TNR: variants seen among roughly 807,000 people sequenced by gnomAD.
TNR encodes tenascin R, also known as tenascin-R.
TNR carries 45 observed loss-of-function variants against 150.4 expected under a neutral mutation model. The ratio of observed to expected loss-of-function variants is 0.30; its 90% CI spans 0.24 to 0.38. The LOEUF is 0.38. Ranked by LOEUF, TNR falls within the 10% of genes least tolerant of loss-of-function variation. The pLI is 1.00. For missense variants in TNR, 1,544 were observed against 1,759.1 expected (o/e 0.88, Z 2.19); for synonymous variants, 687 against 678.4 (o/e 1.01, Z -0.20).
intron 8 of TNR, among the ~76,000 whole-genome samples, chr1:175,381,989 T>C (rs926847052): frequency 2.2e-4 from 33 of 152,242 alleles, no homozygotes; most frequent in Non-Finnish European, 8.8e-5. Flanking sequence ...TGGAATGTTC[T>C]CCAGATCCTC....
At chr1:175,507,112 T>A (rs1557975824) in intron 2 of TNR, among the ~76,000 whole-genome samples, 1 of 152,164 alleles carries the variant, frequency 6.6e-6, no homozygotes, top group Non-Finnish European at 1.5e-5. Flanking sequence ...CCCTTGCCAG[T>A]GCTCCGTGGA....
At chr1:175,616,509 C>T (rs1663780872) in intron 1 of TNR, among the ~76,000 whole-genome samples, 2 of 152,138 alleles carry the variant, frequency 1.3e-5, no homozygotes, top group South Asian at 4.2e-4. Flanking sequence ...TCTGGTGTAG[C>T]CTGGTTTCTC....
Position 175,356,299 on chromosome 1 carries a change from G to A in TNR, c.3118+20C>T, listed in dbSNP as rs1327160506. On this transcript the variant is annotated intron_variant, in intron 16 of 22. Transcript: ENST00000367674. ...CAAAAGTCCCCAGGGATACGGGTATGTAGGTGACCATGTACTCACGAGTAG... is the reference window on the plus strand; with the variant it reads ...CAAAAGTCCCCAGGGATACGGGTATATAGGTGACCATGTACTCACGAGTAG... 6.2e-7 allele frequency: 1 copy of A among 1,613,758 alleles called. No individual in the cohort carries two copies. The highest frequency in any genetic ancestry group is 1.1e-5 in the South Asian group (1 of 91,018).
At chr1:175,409,128 A>G (rs539434115) in intron 2 of TNR, among the ~76,000 whole-genome samples, 41 of 152,170 alleles carry the variant, frequency 2.7e-4, no homozygotes, top group African/African-American at 8.4e-4. Flanking sequence ...CATCACTTCT[A>G]CCCTCCTATC....
At chr1:175,695,178 C>A (rs1666478072) in intron 1 of TNR, among the ~76,000 whole-genome samples, 1 of 152,162 alleles carries the variant, frequency 6.6e-6, no homozygotes, top group Admixed American at 6.5e-5. Context: ...CTTCCTGTTG[C>A]TCTCCTTTTT....
At chr1:175,641,166 A>G (rs566007205) in intron 1 of TNR, among the ~76,000 whole-genome samples, 16 of 152,370 alleles carry the variant, frequency 1.1e-4, no homozygotes, top group African/African-American at 3.8e-4. Context: ...AAGTAGGAAA[A>G]CAACGCATCT....
intron 9 of TNR, among the ~76,000 whole-genome samples, chr1:175,376,519 T>C (rs1042603206): frequency 2.6e-5 from 4 of 152,188 alleles, no homozygotes; most frequent in African/African-American, 9.7e-5. Context: ...GAGCAGAGCA[T>C]TCAGATCAAA....
At chr1:175,566,050 CAA>C (rs2102214739) in intron 1 of TNR, among the ~76,000 whole-genome samples, 1 of 152,238 alleles carries the variant, frequency 6.6e-6, no homozygotes, top group South Asian at 2.1e-4. Flanking sequence ...GTTATTTCCA[CAA>C]AACTCCTTGT....
At chr1:175,388,590 C>T (rs1280909179) in intron 7 of TNR, among the ~76,000 whole-genome samples, 4 of 152,242 alleles carry the variant, frequency 2.6e-5, no homozygotes, top group Non-Finnish European at 5.9e-5. Flanking sequence ...TTTGTAGCCA[C>T]TCTTGGATTC....
chr1:175,537,979 T>G (rs1660360930), intron 1 of TNR, among the ~76,000 whole-genome samples: 1 of 152,182 alleles, frequency 6.6e-6, no homozygotes, highest in Non-Finnish European at 1.5e-5. Flanking sequence ...AGTGGGATAA[T>G]TCTTTTTTGG....
At chr1:175,685,872 C>G (rs1231546589) in intron 1 of TNR, among the ~76,000 whole-genome samples, 1 of 151,288 alleles carries the variant, frequency 6.6e-6, no homozygotes, top group African/African-American at 2.4e-5. Context: ...TTTTAAGTCC[C>G]CTGACACTGT....
At chr1:175,435,213 GT>G (rs2102074428) in intron 2 of TNR, among the ~76,000 whole-genome samples, 1 of 152,300 alleles carries the variant, frequency 6.6e-6, no homozygotes, top group Non-Finnish European at 1.5e-5. Context: ...TAGGACGGGG[GT>G]GAGACATGAA....
rs564268489 is a variant in TNR, at chr1:175,677,128, G to A, written c.-165+66098C>T. ...TCATTGGCAAGAAGTATTAAGAGAG[G>A]CTGAAGAAAGAAGGGCTGGCATATA... On this transcript the variant is annotated intron_variant, in intron 1 of 22. Coordinates refer to ENST00000367674, the MANE Select transcript of TNR (RefSeq NM_003285.3). 2.0e-5 allele frequency among the ~76,000 whole-genome samples: 3 copies of A among 152,328 alleles called. No homozygotes were observed. The South Asian group carries it at 6.2e-4, about 32-fold the overall frequency.
At chr1:175,696,756 G>T (rs1666539272) in intron 1 of TNR, among the ~76,000 whole-genome samples, 1 of 152,068 alleles carries the variant, frequency 6.6e-6, no homozygotes, top group African/African-American at 2.4e-5. Context: ...GCACATGCCT[G>T]TAATCCCAGC....
chr1:175,643,210 A>C (rs1664717644), intron 1 of TNR, among the ~76,000 whole-genome samples: 1 of 152,184 alleles, frequency 6.6e-6, no homozygotes, highest in Non-Finnish European at 1.5e-5. Context: ...CCTCACACCC[A>C]ATTCCATAAT....
At chr1:175,359,793 T>C (rs1264614247) in intron 14 of TNR, 62 bp from the exon 15 acceptor site, 1 of 1,546,320 alleles carries the variant, frequency 6.5e-7, no homozygotes, top group East Asian at 2.3e-5. Context: ...ATGCAGGGAA[T>C]GATCTCAGAA....
intron 4 of TNR, among the ~76,000 whole-genome samples, chr1:175,400,683 C>T (rs559714355): frequency 1.6e-4 from 25 of 152,140 alleles, no homozygotes; most frequent in Non-Finnish European, 2.5e-4. Context: ...TGCCCTATAA[C>T]GAAGTATATT....
chr1:175,497,957 G>A (rs955603696), intron 2 of TNR, among the ~76,000 whole-genome samples: 1 of 152,154 alleles, frequency 6.6e-6, no homozygotes, highest in African/African-American at 2.4e-5. Context: ...CTACTCAGGA[G>A]GCTGAGGCAG....
intron 2 of TNR, among the ~76,000 whole-genome samples, chr1:175,493,943 A>G (rs1658364719): frequency 6.6e-6 from 1 of 152,124 alleles, no homozygotes; most frequent in Admixed American, 6.5e-5. Flanking sequence ...ATCCACTCTC[A>G]GCTGAGGGGT....
Sources: gnomAD v4.1 joint callset for allele counts (sites outside exome capture counted in the v4.1 genomes callset) on GRCh38, gnomAD v4.1.1 for gene constraint, MANE v1.5 for transcripts, NCBI Gene and HGNC (gene_info 2026-07-23, HGNC 2026-07-21) for gene names.